BUD23: variants seen among roughly 807,000 people sequenced by gnomAD.
BUD23 encodes the protein 18S rRNA (guanine-N(7))-methyltransferase.
Under a neutral mutation model 47.0 loss-of-function variants are expected in BUD23, and 34 were observed. The observed-to-expected ratio is 0.72, with a 90% CI of 0.55 to 0.96. The LOEUF is 0.96. Ranked by LOEUF, BUD23 falls within the 40% of genes least tolerant of loss-of-function variation. BUD23 has a pLI of 0.00. For synonymous variants in BUD23, 124 were observed against 132.0 expected, an observed-to-expected ratio of 0.94 and a Z score of 0.41; for missense variants, 343 against 361.2, an observed-to-expected ratio of 0.95 and a Z score of 0.41.
intron 10 of BUD23, chr7:73,696,192 C>G (rs1410560893): frequency 1.3e-5 from 2 of 152,242 alleles, no homozygotes; most frequent in Non-Finnish European, 2.9e-5. Flanking sequence ...TGGGCACAGC[C>G]ATGCATGTTC....
chr7:73,697,772 A>C (rs1302898408), intron 11 of BUD23, 60 bp from the exon 12 acceptor site: 1 of 1,609,532 alleles, frequency 6.2e-7, no homozygotes, highest in East Asian at 2.2e-5. Context: ...CTTTATTTGA[A>C]GGGTCCAGGG....
At chr7:73,693,935 G>C in intron 9 of BUD23, 57 bp from the exon 10 acceptor site, 2 of 1,602,904 alleles carry the variant, frequency 1.2e-6, no homozygotes, top group East Asian at 2.2e-5. Context: ...CTTCTGGAGT[G>C]GGGCAGATGG....
rs1415944246 is a variant in BUD23, at chr7:73,684,045, GAATGTGAC to G, written c.86+245_86+252del. On this transcript the variant is annotated intron_variant, in intron 2 of 11. Transcript: ENST00000265758. ...CTTTCCGTGGGTGGTTTTCAAAGTC[GAATGTGAC>G]AATTTGTCCTAAACATGTGGTAAAA... The G allele has an allele frequency of 3.6e-6, 5 of 1,370,780 alleles. No homozygotes were observed. The African/African-American group carries it at 5.9e-5, about 16-fold the overall frequency. The allele number at this position is 1,370,780 out of a possible 1,614,324, so 84.9% of individuals were successfully genotyped here.
chr7:73,684,121 G>C (rs535887469), intron 2 of BUD23: 5 of 720,760 alleles, frequency 6.9e-6, no homozygotes, highest in South Asian at 4.0e-5. Context: ...CAGTCCTGGT[G>C]GGGGGAAGGA....
chr7:73,697,158 A>C, intron 10 of BUD23: 1 of 433,952 alleles, frequency 2.3e-6, no homozygotes, highest in South Asian at 2.4e-5. Flanking sequence ...CATACCCCTC[A>C]GTCCTTCCTT....
intron 6 of BUD23, among the ~76,000 whole-genome samples, chr7:73,691,727 G>A (rs1296690957): frequency 6.6e-6 from 1 of 151,778 alleles, no homozygotes; most frequent in Non-Finnish European, 1.5e-5. Context: ...AGCTTCTCAA[G>A]TAGTTTGGAC....
intron 6 of BUD23, among the ~76,000 whole-genome samples, chr7:73,691,709 C>A (rs1554614051): frequency 6.6e-6 from 1 of 152,048 alleles, no homozygotes; most frequent in East Asian, 1.9e-4. Flanking sequence ...AAGTGATCCT[C>A]CTGCTTCAGC....
chr7:73,684,264 G>A (rs1797849867), intron 2 of BUD23, among the ~76,000 whole-genome samples: 1 of 152,062 alleles, frequency 6.6e-6, no homozygotes, highest in African/African-American at 2.4e-5. Flanking sequence ...GGTGGGAGTG[G>A]CTCACGCGTG....
At chr7:73,690,014 T>G (rs992132149) in intron 5 of BUD23, among the ~76,000 whole-genome samples, 10 of 151,858 alleles carry the variant, frequency 6.6e-5, no homozygotes, top group African/African-American at 2.4e-4. Flanking sequence ...GAGGTTTTAT[T>G]TATTTATTTT....
intron 7 of BUD23, 73 bp downstream of exon 7, chr7:73,692,719 A>G: frequency 6.9e-7 from 1 of 1,456,462 alleles, no homozygotes; most frequent in Non-Finnish European, 9.6e-7. Context: ...GGGAAGCGAC[A>G]AAGAATCTTA....
In BUD23 at chr7:73,698,198, ATTTCC is replaced by A. The variant is rs1303115279; in HGVS notation, c.*316_*320del. On this transcript the variant is annotated 3_prime_UTR_variant, in exon 12 of 12. Transcript: ENST00000265758. ...ATTTTGTTTAAAGGCAAGAAATAAA[ATTTCC>A]TTTTGTGGAGCTCTGGCATCTCCCA... The A allele has an allele frequency of 4.5e-6, 1 of 220,234 alleles. No individual in the cohort carries two copies. 13.6% of individuals were successfully genotyped at this position (220,234 alleles called of 1,614,324 possible).
intron 2 of BUD23, among the ~76,000 whole-genome samples, chr7:73,686,112 A>AT (rs1439296732): frequency 3.3e-5 from 5 of 151,928 alleles, no homozygotes; most frequent in Non-Finnish European, 7.4e-5. Context: ...AAAAAAAAAA[A>AT]ATATGACTCC....
chr7:73,687,437 C>A (rs1798019917), intron 5 of BUD23, among the ~76,000 whole-genome samples: 2 of 152,168 alleles, frequency 1.3e-5, no homozygotes, highest in Admixed American at 6.5e-5. Flanking sequence ...CCACCACACC[C>A]AACTAATTTT....
chr7:73,688,232 C>A (rs1798055069), intron 5 of BUD23, among the ~76,000 whole-genome samples: 1 of 151,954 alleles, frequency 6.6e-6, no homozygotes, highest in African/African-American at 2.4e-5. Context: ...CCTGTAGTCC[C>A]AGCTAGCTAC....
intron 8 of BUD23, 54 bp downstream of exon 8, chr7:73,693,468 A>G (rs1798271413): frequency 6.2e-7 from 1 of 1,607,134 alleles, no homozygotes; most frequent in South Asian, 1.1e-5. Flanking sequence ...GGGTAGTGGC[A>G]TAGCCCTTTC....
rs570632265 is a variant in BUD23 at position 73,697,822 on chromosome 7, T to G, written c.792-10T>G. The G allele has an allele frequency of 1.5e-5, 25 of 1,613,588 alleles. 1 individual carries two copies. The South Asian group carries it at 2.7e-4, about 18-fold the overall frequency. On this transcript the variant is annotated splice_polypyrimidine_tract_variant and intron_variant, in intron 11 of 11. Coordinates refer to ENST00000265758, the MANE Select transcript of BUD23 (RefSeq NM_017528.5). ...TTTTTCTGAGACTGTCCTATTCCTT[T>G]TCTGCACAGGGAAGTCAGACCTGAC...
In BUD23 at chr7:73,683,860, C is replaced by T. The variant is rs554756734; in HGVS notation, c.86+56C>T. ...CGGGGGTCGGGAAGCGGCAAGTTGC[C>T]CCTGTTGCTGGCGTTGCCCGGAAAG... On this transcript the variant is annotated intron_variant, in intron 2 of 11. Coordinates refer to ENST00000265758, the MANE Select transcript of BUD23 (RefSeq NM_017528.5). 30 of 1,613,904 alleles carry T rather than the reference C, an allele frequency of 1.9e-5. 1 individual carries two copies. In the East Asian group the frequency reaches 6.5e-4, roughly 35 times the overall value.
intron 5 of BUD23, among the ~76,000 whole-genome samples, chr7:73,687,898 T>C (rs1798039300): frequency 6.6e-6 from 1 of 151,160 alleles, no homozygotes; most frequent in South Asian, 2.1e-4. Context: ...GACGTGGTTG[T>C]TGTTTTTTTT....
chr7:73,688,901 G>C (rs1563553937), intron 5 of BUD23, among the ~76,000 whole-genome samples: 1 of 152,184 alleles, frequency 6.6e-6, no homozygotes, highest in Non-Finnish European at 1.5e-5. Context: ...GGGGGGTTGG[G>C]GAATAATTTC....
Sources: gnomAD v4.1 joint callset for allele counts (sites outside exome capture counted in the v4.1 genomes callset) on GRCh38, gnomAD v4.1.1 for gene constraint, MANE v1.5 for transcripts, NCBI Gene and HGNC (gene_info 2026-07-23, HGNC 2026-07-21) for gene names.